Variants in LRRC4C observed in about 807,000 individuals in gnomAD.
The protein encoded by LRRC4C is leucine rich repeat containing 4C.
LRRC4C carries 5 observed loss-of-function variants against 33.6 expected under a neutral mutation model. That is an observed-to-expected ratio of 0.15 (90% CI 0.08 to 0.31). The LOEUF is 0.31. LRRC4C is among the 10% of genes least tolerant of loss of function. The pLI is 1.00. For synonymous variants in LRRC4C, 329 were observed against 302.0 expected, an observed-to-expected ratio of 1.09 and a Z score of -0.93; for missense variants, 560 against 796.7, an observed-to-expected ratio of 0.70 and a Z score of 3.58.
At chr11:40,648,433 A>G (rs559449547) in intron 2 of LRRC4C, among the ~76,000 whole-genome samples, 155 bp from the exon 3 acceptor site, 1 of 152,340 alleles carries the variant, frequency 6.6e-6, no homozygotes, top group African/African-American at 2.4e-5. Flanking sequence ...AAGTAATGGG[A>G]AAAATATTTT....
rs113435455 is a variant in LRRC4C at position 41,307,174 on chromosome 11, A to G, written c.-496+152257T>C. On this transcript the variant is annotated intron_variant, in intron 1 of 6. Transcript: ENST00000528697. ...TGCTGAAGGGGAAAAAGTCAAAATG[A>G]AAACTTAAATAACAACTCAATTTTT... 7.1e-3 allele frequency among the ~76,000 whole-genome samples: 1,087 copies of G among 152,286 alleles called. 9 individuals are homozygous for G. The highest frequency in any genetic ancestry group is 0.024 in the African/African-American group (996 of 41,546).
chr11:40,570,423 A>G (rs560282829), intron 3 of LRRC4C, among the ~76,000 whole-genome samples: 2 of 152,296 alleles, frequency 1.3e-5, no homozygotes, highest in Admixed American at 6.5e-5. Flanking sequence ...AAAGACTGCC[A>G]GGAAAAGTAA....
intron 3 of LRRC4C, among the ~76,000 whole-genome samples, chr11:40,334,130 T>C (rs1211673547): frequency 6.6e-6 from 1 of 152,174 alleles, no homozygotes; most frequent in Non-Finnish European, 1.5e-5. Flanking sequence ...TGCTGTGTTT[T>C]AGTATGTATA....
At chr11:40,407,329 G>C (rs1430266409) in intron 3 of LRRC4C, among the ~76,000 whole-genome samples, 1 of 152,092 alleles carries the variant, frequency 6.6e-6, no homozygotes, top group Non-Finnish European at 1.5e-5. Context: ...TTTTCTGTCA[G>C]AAGCTGGAAG....
At chr11:41,348,090 T>A (rs1422005440) in intron 1 of LRRC4C, among the ~76,000 whole-genome samples, 1 of 152,174 alleles carries the variant, frequency 6.6e-6, no homozygotes, top group Admixed American at 6.5e-5. Context: ...AAACTGTAAC[T>A]CTTATCTCTC....
At chr11:40,734,710 T>TA (rs1026085402) in intron 2 of LRRC4C, among the ~76,000 whole-genome samples, 63 of 149,922 alleles carry the variant, frequency 4.2e-4, no homozygotes, top group African/African-American at 1.2e-3. Context: ...CTTTACAATC[T>TA]AAAAAAAAAA....
intron 2 of LRRC4C, among the ~76,000 whole-genome samples, chr11:40,747,755 C>A (rs1948496839): frequency 6.6e-6 from 1 of 151,938 alleles, no homozygotes; most frequent in Non-Finnish European, 1.5e-5. Flanking sequence ...ATAAAGAACT[C>A]ACTGAATGAA....
intron 1 of LRRC4C, among the ~76,000 whole-genome samples, chr11:41,351,222 GACACACACACACATAC>G (rs1184917324): frequency 1.4e-5 from 2 of 140,186 alleles, no homozygotes; most frequent in South Asian, 2.3e-4. Context: ...GGGTGAGTGA[GACACACACACACATAC>G]ACACACACAC....
At chr11:41,280,572 C>A (rs986740236) in intron 1 of LRRC4C, among the ~76,000 whole-genome samples, 5 of 152,200 alleles carry the variant, frequency 3.3e-5, no homozygotes, top group African/African-American at 1.2e-4. Context: ...TATAGGCATG[C>A]AGATATCATT....
intron 3 of LRRC4C, among the ~76,000 whole-genome samples, chr11:40,483,838 T>C (rs1953718892): frequency 6.6e-6 from 1 of 151,504 alleles, no homozygotes; most frequent in African/African-American, 2.4e-5. Context: ...TATAGTTATT[T>C]TTGTGAAGAG....
At chr11:40,854,436 C>G (rs1953667433) in intron 2 of LRRC4C, among the ~76,000 whole-genome samples, 1 of 152,134 alleles carries the variant, frequency 6.6e-6, no homozygotes, top group African/African-American at 2.4e-5. Context: ...CTAATCTCAC[C>G]TGGGTAAATG....
chr11:40,875,334 A>G (rs890842908), intron 2 of LRRC4C, among the ~76,000 whole-genome samples: 2 of 152,224 alleles, frequency 1.3e-5, no homozygotes, highest in Non-Finnish European at 2.9e-5. Flanking sequence ...ACATTGAGTC[A>G]ATATTTTAAA....
At chr11:40,711,200 C>T (rs1268244931) in intron 2 of LRRC4C, among the ~76,000 whole-genome samples, 1 of 152,156 alleles carries the variant, frequency 6.6e-6, no homozygotes, top group Non-Finnish European at 1.5e-5. Context: ...TGGGCTGCAC[C>T]CACTTTCTGA....
At chr11:40,211,352 T>C (rs1166362176) in intron 5 of LRRC4C, among the ~76,000 whole-genome samples, 1 of 152,180 alleles carries the variant, frequency 6.6e-6, no homozygotes, top group Non-Finnish European at 1.5e-5. Context: ...TGTGCTTTTA[T>C]GGGAATTTTT....
intron 6 of LRRC4C, among the ~76,000 whole-genome samples, chr11:40,130,139 C>T (rs1394984708): frequency 6.6e-6 from 1 of 152,084 alleles, no homozygotes; most frequent in Non-Finnish European, 1.5e-5. Flanking sequence ...TTTTTGACAG[C>T]AATTTGCTTT....
At chr11:41,041,254 GA>G (rs947149200) in intron 1 of LRRC4C, among the ~76,000 whole-genome samples, 1 of 151,934 alleles carries the variant, frequency 6.6e-6, no homozygotes, top group African/African-American at 2.4e-5. Context: ...CAAGTAAAGG[GA>G]AAAAAATAGA....
intron 3 of LRRC4C, among the ~76,000 whole-genome samples, chr11:40,341,593 C>T (rs1281229896): frequency 1.3e-5 from 2 of 151,904 alleles, no homozygotes; most frequent in Non-Finnish European, 2.9e-5. Flanking sequence ...TGTTAAATGA[C>T]GAGTTAATGG....
At chr11:40,823,389 G>T (rs1327515694) in intron 2 of LRRC4C, among the ~76,000 whole-genome samples, 2 of 151,298 alleles carry the variant, frequency 1.3e-5, no homozygotes, top group Non-Finnish European at 3.0e-5. Context: ...GATTTCCAAG[G>T]GTGGGAGAAA....
chr11:40,993,153 A>C (rs758191500), intron 1 of LRRC4C, among the ~76,000 whole-genome samples: 2 of 152,102 alleles, frequency 1.3e-5, no homozygotes, highest in Non-Finnish European at 2.9e-5. Context: ...ACTTCATTTC[A>C]TTTCATGTGC....
Sources: gnomAD v4.1 joint callset for allele counts (sites outside exome capture counted in the v4.1 genomes callset) on GRCh38, gnomAD v4.1.1 for gene constraint, MANE v1.5 for transcripts, NCBI Gene and HGNC (gene_info 2026-07-23, HGNC 2026-07-21) for gene names.